Variants in POU2F1 observed in about 807,000 individuals in gnomAD.
POU2F1 encodes the protein POU class 2 homeobox 1, also known as POU domain, class 2, transcription factor 1.
POU2F1 carries 16 observed loss-of-function variants against 84.9 expected under a neutral mutation model. The ratio of observed to expected loss-of-function variants is 0.19; its 90% confidence interval spans 0.13 to 0.29. The LOEUF (loss-of-function observed/expected upper bound fraction) is 0.29, where lower values mean the gene tolerates loss of function less well. POU2F1 is among the 10% of genes least tolerant of loss of function. The probability of loss-of-function intolerance (pLI) is 1.00; values close to 1 mark genes in which losing one functional copy is unlikely to be tolerated. For missense variants in POU2F1, 738 were observed against 942.6 expected, an observed-to-expected ratio of 0.78 and a Z score of 2.84; for synonymous variants, 368 against 368.3, an observed-to-expected ratio of 1.00 and a Z score of 0.01.
At chr1:167,256,298 A>G (rs952913312) in intron 1 of POU2F1, among the ~76,000 whole-genome samples, 2 of 151,584 alleles carry the variant, frequency 1.3e-5, no homozygotes, top group African/African-American at 2.4e-5. Flanking sequence ...TTGTGAAGGC[A>G]TTGCCTGAGT....
In POU2F1 at chr1:167,386,884, A is replaced by G. The variant is rs1422240338; in HGVS notation, c.814-2704A>G. On this transcript the variant is annotated intron_variant, in intron 8 of 15. Coordinates refer to ENST00000367866, the MANE Select transcript of POU2F1 (RefSeq NM_002697.4). ...GACGGGGGGCTAATGGTGGGGATTA[A>G]CTGCAAAGGGAACAAGGGAACTTTT... Among the ~76,000 whole-genome samples, 5 of 152,202 alleles carry G rather than the reference A, an allele frequency of 3.3e-5. No individual in the cohort carries two copies. The East Asian group carries it at 9.6e-4, about 29-fold the overall frequency.
At chr1:167,350,788 C>T (rs948659012) in intron 2 of POU2F1, among the ~76,000 whole-genome samples, 3 of 151,948 alleles carry the variant, frequency 2.0e-5, no homozygotes, top group South Asian at 2.1e-4. Flanking sequence ...CACCTGAGGT[C>T]GGGAGTTCGA....
intron 1 of POU2F1, among the ~76,000 whole-genome samples, chr1:167,261,481 A>G (rs937995481): frequency 1.3e-5 from 2 of 152,140 alleles, no homozygotes; most frequent in Admixed American, 6.5e-5. Context: ...AGAGCAAGAT[A>G]TAGGGATAGA....
intron 6 of POU2F1, among the ~76,000 whole-genome samples, chr1:167,375,600 G>A (rs181502402): frequency 9.2e-5 from 14 of 152,310 alleles, no homozygotes; most frequent in African/African-American, 2.6e-4. Context: ...GTTGTCAAAT[G>A]TCATAAGTCA....
rs191395660 is a variant in POU2F1 at position 167,310,550 on chromosome 1, G to A, written c.62-21920G>A. Among the ~76,000 whole-genome samples, 641 of 150,470 alleles carry A rather than the reference G, an allele frequency of 4.3e-3. 3 individuals carry two copies. The highest frequency in any genetic ancestry group is 0.015 in the African/African-American group (597 of 40,782). On this transcript the variant is annotated intron_variant, in intron 1 of 15. Coordinates refer to ENST00000367866, the MANE Select transcript of POU2F1 (RefSeq NM_002697.4). ...TTCTGAGGCCAAAAAAAGGAGGGAG[G>A]TAGATAAAGGAGAATAATTTTAAAG...
chr1:167,376,301 A>C, intron 7 of POU2F1, 146 bp downstream of exon 7: 1 of 1,091,636 alleles, frequency 9.2e-7, no homozygotes, highest in Non-Finnish European at 1.2e-6. Flanking sequence ...TTCGTTTAAA[A>C]AAAGTTTTGT....
intron 1 of POU2F1, among the ~76,000 whole-genome samples, chr1:167,308,202 A>C (rs1001662070): frequency 6.6e-6 from 1 of 151,470 alleles, no homozygotes; most frequent in African/African-American, 2.4e-5. Context: ...GAGTAGCTGG[A>C]ACTACAGGTG....
chr1:167,250,325 A>G (rs919919401), intron 1 of POU2F1, among the ~76,000 whole-genome samples: 7 of 152,216 alleles, frequency 4.6e-5, no homozygotes, highest in Non-Finnish European at 4.4e-5. Context: ...TCCATCATGG[A>G]TCAGATAGAA....
chr1:167,261,112 G>T (rs1651532023), intron 1 of POU2F1, among the ~76,000 whole-genome samples: 1 of 152,064 alleles, frequency 6.6e-6, no homozygotes, highest in African/African-American at 2.4e-5. Flanking sequence ...TTGAATAGGA[G>T]AGTGGTTCCC....
chr1:167,332,770 GT>G (rs1657163789), intron 2 of POU2F1, among the ~76,000 whole-genome samples: 1 of 152,196 alleles, frequency 6.6e-6, no homozygotes, highest in South Asian at 2.1e-4. Context: ...CTATGCAGAA[GT>G]TAGGAAAACT....
At chr1:167,350,471 G>A (rs574232709) in intron 2 of POU2F1, among the ~76,000 whole-genome samples, 1 of 152,214 alleles carries the variant, frequency 6.6e-6, no homozygotes, top group African/African-American at 2.4e-5. Context: ...GTATTTCCAT[G>A]CATTTAGCTA....
At chr1:167,414,349 T>C (rs1409172769) in intron 15 of POU2F1, 1 of 985,310 alleles carries the variant, frequency 1.0e-6, no homozygotes, top group African/African-American at 1.7e-5. Context: ...ATTGACACTC[T>C]GAAAAGATAC....
intron 1 of POU2F1, among the ~76,000 whole-genome samples, chr1:167,225,128 C>T (rs1259544045): frequency 6.6e-6 from 1 of 152,136 alleles, no homozygotes; most frequent in African/African-American, 2.4e-5. Context: ...ATGCCCAGCC[C>T]GTTGTCACTT....
chr1:167,242,014 G>C (rs1211624669), intron 1 of POU2F1, among the ~76,000 whole-genome samples: 1 of 152,104 alleles, frequency 6.6e-6, no homozygotes. Context: ...AAAATGCCTT[G>C]GTTAAGGAAG....
At chr1:167,406,782 A>G (rs1215858435) in intron 13 of POU2F1, among the ~76,000 whole-genome samples, 1 of 152,142 alleles carries the variant, frequency 6.6e-6, no homozygotes, top group Non-Finnish European at 1.5e-5. Context: ...CAAAAGAATA[A>G]AATACTTAGG....
chr1:167,307,493 G>A (rs900196002), intron 1 of POU2F1, among the ~76,000 whole-genome samples: 14 of 149,962 alleles, frequency 9.3e-5, no homozygotes, highest in Admixed American at 9.3e-4. Flanking sequence ...AAACTGTATA[G>A]TGGTTTGTTC....
At chr1:167,350,459 A>C (rs552546117) in intron 2 of POU2F1, among the ~76,000 whole-genome samples, 32 of 152,318 alleles carry the variant, frequency 2.1e-4, no homozygotes, top group Middle Eastern at 6.8e-3. Flanking sequence ...ATAGTAACAA[A>C]TGTATTTCCA....
intron 8 of POU2F1, 134 bp downstream of exon 8, chr1:167,384,085 G>A (rs945176955): frequency 1.2e-5 from 8 of 679,164 alleles, no homozygotes; most frequent in Non-Finnish European, 9.5e-6. Flanking sequence ...ATCAAAGCTA[G>A]GCTTATCAGC....
At chr1:167,394,711 A>T (rs987857025) in intron 9 of POU2F1, among the ~76,000 whole-genome samples, 1 of 152,212 alleles carries the variant, frequency 6.6e-6, no homozygotes, top group Non-Finnish European at 1.5e-5. Context: ...AAGGCAGAGG[A>T]TATCAATCAC....
Sources: gnomAD v4.1 joint callset for allele counts (sites outside exome capture counted in the v4.1 genomes callset) on GRCh38, gnomAD v4.1.1 for gene constraint, MANE v1.5 for transcripts, NCBI Gene and HGNC (gene_info 2026-07-23, HGNC 2026-07-21) for gene names.